Variants in RASGEF1A observed in about 807,000 individuals in gnomAD.
RASGEF1A encodes ras-GEF domain-containing family member 1A.
RASGEF1A carries 18 observed loss-of-function variants against 56.4 expected under a neutral mutation model. That is an observed-to-expected ratio of 0.32 (90% CI 0.22 to 0.47). The LOEUF is 0.47. Ranked by LOEUF, RASGEF1A falls within the 20% of genes least tolerant of loss-of-function variation. The pLI is 1.00. For missense variants in RASGEF1A, 422 were observed against 627.1 expected (o/e 0.67, Z 3.49); for synonymous variants, 245 against 242.6 (o/e 1.01, Z -0.09).
chr10:43,260,665 C>T (rs1836511841), intron 1 of RASGEF1A, among the ~76,000 whole-genome samples: 1 of 151,428 alleles, frequency 6.6e-6, no homozygotes, highest in Non-Finnish European at 1.5e-5. Context: ...CCGCCCCCTC[C>T]CACCTTTCCC....
intron 1 of RASGEF1A, chr10:43,206,696 G>A (rs941300500): frequency 5.1e-5 from 50 of 987,060 alleles, no homozygotes; most frequent in Non-Finnish European, 4.9e-5. Flanking sequence ...TGGCTGCCAC[G>A]TGGATGGTGG....
At chr10:43,227,993 C>T (rs902874667) in intron 1 of RASGEF1A, among the ~76,000 whole-genome samples, 1 of 152,138 alleles carries the variant, frequency 6.6e-6, no homozygotes, top group Non-Finnish European at 1.5e-5. Flanking sequence ...GGGTGGCACT[C>T]TGCTAGCTTC....
intron 1 of RASGEF1A, among the ~76,000 whole-genome samples, chr10:43,227,180 G>T (rs1284061307): frequency 2.6e-5 from 4 of 152,180 alleles, no homozygotes; most frequent in Non-Finnish European, 5.9e-5. Flanking sequence ...AGGTCCAAGA[G>T]CCCAAAGGTG....
chr10:43,195,899 G>A lies in RASGEF1A; in HGVS notation c.*345C>T, dbSNP rs1033395734. 1.8e-5 allele frequency: 3 copies of A among 169,728 alleles called. No individual in the cohort carries two copies. The highest frequency in any genetic ancestry group is 7.2e-5 in the African/African-American group (3 of 41,816). The allele number at this position is 169,728 out of a possible 1,614,324, so 10.5% of individuals were successfully genotyped here. A position where few individuals can be genotyped will look rare whatever the true frequency, so the allele number is the denominator to read the frequency against. On this transcript the variant is annotated 3_prime_UTR_variant, in exon 13 of 13. Coordinates refer to ENST00000395810, the MANE Select transcript of RASGEF1A (RefSeq NM_145313.4). This position sits in a 1 kb window ranked among gnomAD's most constrained non-coding sequence, Gnocchi z 4.2. ...AGCAGGCAGGGCTCACGTTGGTTTT[G>A]GCTGGGTTTTTTAAAATATTTTTTT...
At chr10:43,266,340 C>CAGAG (rs1403956957) in intron 1 of RASGEF1A, among the ~76,000 whole-genome samples, 3 of 152,340 alleles carry the variant, frequency 2.0e-5, no homozygotes, top group South Asian at 2.1e-4. Flanking sequence ...CCCCCAAATG[C>CAGAG]AGAGCTCAAG....
At chr10:43,263,943 A>C (rs1836579076) in intron 1 of RASGEF1A, among the ~76,000 whole-genome samples, 1 of 151,160 alleles carries the variant, frequency 6.6e-6, no homozygotes, top group African/African-American at 2.4e-5. Context: ...TTGAGTCCTC[A>C]CACCTGTCCA....
chr10:43,197,991 G>A lies in RASGEF1A; in HGVS notation c.1224+13C>T. 6.2e-7 allele frequency: 1 copy of A among 1,601,008 alleles called. No individual in the cohort carries two copies. The highest frequency in any genetic ancestry group is 8.5e-7 in the Non-Finnish European group (1 of 1,170,480). On this transcript the variant is annotated intron_variant, in intron 10 of 12. Coordinates refer to ENST00000395810, the MANE Select transcript of RASGEF1A (RefSeq NM_145313.4). ...GTTTCCGCCTGGCCTGCCCTGTGCT[G>A]GGATGAGCTCACCTTAAAGTTAATG...
intron 3 of RASGEF1A, among the ~76,000 whole-genome samples, chr10:43,202,265 A>AAAT (rs1345680946): frequency 6.6e-6 from 1 of 152,236 alleles, no homozygotes; most frequent in African/African-American, 2.4e-5. Context: ...CAATACAGTA[A>AAAT]AATAACCCAA....
intron 1 of RASGEF1A, among the ~76,000 whole-genome samples, chr10:43,206,439 G>A (rs1038138631): frequency 6.6e-6 from 1 of 152,234 alleles, no homozygotes; most frequent in Non-Finnish European, 1.5e-5. Context: ...AGCCTGCGGT[G>A]GGCAGTCAGG....
Position 43,198,916 on chromosome 10 carries a change from G to A in RASGEF1A, c.1032+17C>T, listed in dbSNP as rs200027559. 2.2e-5 allele frequency: 32 copies of A among 1,454,394 alleles called. No individual in the cohort carries two copies. The highest frequency in any genetic ancestry group is 4.1e-5 in the Admixed American group (2 of 48,260). 90.1% of individuals were successfully genotyped at this position (1,454,394 alleles called of 1,614,324 possible). A position where few individuals can be genotyped will look rare whatever the true frequency, so the allele number is the denominator to read the frequency against. On this transcript the variant is annotated intron_variant, in intron 9 of 12. Coordinates refer to ENST00000395810, the MANE Select transcript of RASGEF1A (RefSeq NM_145313.4). Reference sequence around the variant, plus strand: ...AATGGGTGCAGCTCGCAGCTGTGACGGGGCTCAGGTGCCTACCTCCAAGAC... The same window carrying A: ...AATGGGTGCAGCTCGCAGCTGTGACAGGGCTCAGGTGCCTACCTCCAAGAC...
At chr10:43,197,917 A>T in intron 10 of RASGEF1A, 87 bp downstream of exon 10, 1 of 1,230,822 alleles carries the variant, frequency 8.1e-7, no homozygotes. Flanking sequence ...CAGGAAACCC[A>T]CAGATCCCGA....
At chr10:43,200,991 G>A (rs575433793) in intron 4 of RASGEF1A, 103 bp from the exon 5 acceptor site, 26 of 1,046,686 alleles carry the variant, frequency 2.5e-5, no homozygotes, top group Middle Eastern at 4.4e-4. Flanking sequence ...CCTAACCAAC[G>A]TGAGCCCACA....
At chr10:43,232,829 C>T (rs542865979) in intron 1 of RASGEF1A, among the ~76,000 whole-genome samples, 2 of 152,190 alleles carry the variant, frequency 1.3e-5, no homozygotes, top group Admixed American at 6.5e-5. Flanking sequence ...CTACTACACT[C>T]GCAAAGGCTC....
At chr10:43,214,417 G>A (rs184253380) in intron 1 of RASGEF1A, among the ~76,000 whole-genome samples, 6 of 152,352 alleles carry the variant, frequency 3.9e-5, no homozygotes, top group South Asian at 2.1e-4. Flanking sequence ...GAAGGGGGAC[G>A]CAGGGGTCAG....
Position 43,203,423 on chromosome 10 carries a change from G to A in RASGEF1A, c.199-3C>T. The A allele has an allele frequency of 1.3e-6, 2 of 1,545,282 alleles. No individual in the cohort carries two copies. The highest frequency in any genetic ancestry group is 1.9e-5 in the Admixed American group (1 of 52,676). ...AGAAAGGTGAAGATGTACGTCCTCT[G>A]AAGGCAGGAGACGGAGAGAGGGCGG... On this transcript the variant is annotated splice_region_variant and splice_polypyrimidine_tract_variant and intron_variant, in intron 2 of 12. Coordinates refer to ENST00000395810, the MANE Select transcript of RASGEF1A (RefSeq NM_145313.4).
intron 1 of RASGEF1A, among the ~76,000 whole-genome samples, chr10:43,263,556 TC>T (rs1270723231): frequency 1.3e-5 from 2 of 152,142 alleles, no homozygotes; most frequent in Non-Finnish European, 2.9e-5. Flanking sequence ...CCTCTCTTCT[TC>T]AAGCTGGTGC....
Position 43,198,202 on chromosome 10 carries a change from G to C in RASGEF1A, c.1033-7C>G, listed in dbSNP as rs1391270228. The C allele has an allele frequency of 9.4e-6, 15 of 1,603,098 alleles. No individual in the cohort carries two copies. The South Asian group carries it at 1.5e-4, about 17-fold the overall frequency. On this transcript the variant is annotated splice_region_variant and splice_polypyrimidine_tract_variant and intron_variant, in intron 9 of 12. Coordinates refer to ENST00000395810, the MANE Select transcript of RASGEF1A (RefSeq NM_145313.4). ...TGGACGGGTCCATGTGATGCTGTGG[G>C]CACAGGGAGGACCTGGTGAGCATCA... is the stretch of plus-strand genomic sequence containing the variant.
At chr10:43,265,556 C>T (rs1309573288) in intron 1 of RASGEF1A, among the ~76,000 whole-genome samples, 1 of 152,252 alleles carries the variant, frequency 6.6e-6, no homozygotes, top group Non-Finnish European at 1.5e-5. Context: ...CCTCCATGTC[C>T]CCCTGCTCCG....
chr10:43,237,431 A>G (rs1487802293), intron 1 of RASGEF1A, among the ~76,000 whole-genome samples: 1 of 49,578 alleles, frequency 2.0e-5, no homozygotes, highest in Non-Finnish European at 4.1e-5. Context: ...CCTAACTCCC[A>G]CTCTCCCCCT....
Sources: gnomAD v4.1 joint callset for allele counts (sites outside exome capture counted in the v4.1 genomes callset) on GRCh38, gnomAD v4.1.1 for gene constraint, Gnocchi (gnomAD v3.1) non-coding constraint, MANE v1.5 for transcripts, NCBI Gene and HGNC (gene_info 2026-07-23, HGNC 2026-07-21) for gene names.